The following CERS3 variants were observed in gnomAD, a reference collection of about 807,000 sequenced individuals.
CERS3 encodes the protein LAG1 homolog, ceramide synthase 3.
CERS3 carries 33 observed loss-of-function variants against 50.3 expected under a neutral mutation model. The ratio of observed to expected loss-of-function variants is 0.66; its 90% CI spans 0.50 to 0.88. CERS3 has a LOEUF of 0.88. CERS3 is among the 40% of genes least tolerant of loss of function. CERS3 has a pLI of 0.00. For synonymous variants in CERS3, 176 were observed against 155.2 expected (o/e 1.13, Z -0.99); for missense variants, 470 against 460.3 (o/e 1.02, Z -0.19).
intron 11 of CERS3, 78 bp from the exon 12 acceptor site, chr15:100,402,943 C>G (rs942798076): frequency 1.1e-5 from 15 of 1,398,560 alleles, no homozygotes; most frequent in Non-Finnish European, 1.2e-5. Flanking sequence ...CAGCCAGTTT[C>G]AAGTATGGCT....
intron 3 of CERS3, among the ~76,000 whole-genome samples, chr15:100,495,365 T>C (rs540267640): frequency 6.6e-6 from 1 of 152,188 alleles, no homozygotes; most frequent in Non-Finnish European, 1.5e-5. Flanking sequence ...AACTCCTACA[T>C]CCCTGTAAGC....
intron 10 of CERS3, among the ~76,000 whole-genome samples, chr15:100,465,455 A>G (rs889995099): frequency 6.7e-6 from 1 of 148,242 alleles, no homozygotes; most frequent in Admixed American, 6.8e-5. Context: ...GCTGGTGGGA[A>G]GACCATTTAA....
chr15:100,404,774 C>T (rs2030856785), intron 11 of CERS3, among the ~76,000 whole-genome samples: 1 of 152,172 alleles, frequency 6.6e-6, no homozygotes, highest in Non-Finnish European at 1.5e-5. Context: ...AAGGAATAAA[C>T]ATGCAGATCA....
At chr15:100,527,885 A>ATTTTT (rs1379452902) in intron 1 of CERS3, among the ~76,000 whole-genome samples, 3 of 49,894 alleles carry the variant, frequency 6.0e-5, no homozygotes, top group African/African-American at 1.4e-4. Flanking sequence ...TCTTTAAAGA[A>ATTTTT]CTTTTTATCC....
intron 2 of CERS3, among the ~76,000 whole-genome samples, chr15:100,517,729 C>T (rs1406089763): frequency 6.6e-6 from 1 of 151,996 alleles, no homozygotes; most frequent in Non-Finnish European, 1.5e-5. Context: ...GCCTACAGCC[C>T]CCGCAAGATA....
intron 2 of CERS3, among the ~76,000 whole-genome samples, chr15:100,514,012 T>A (rs2036426328): frequency 6.6e-6 from 1 of 152,124 alleles, no homozygotes; most frequent in Admixed American, 6.5e-5. Flanking sequence ...TCAATACATA[T>A]ACCACAGCGG....
intron 11 of CERS3, among the ~76,000 whole-genome samples, chr15:100,432,579 C>T (rs1322765384): frequency 6.6e-6 from 1 of 152,092 alleles, no homozygotes; most frequent in East Asian, 1.9e-4. Context: ...GAAAACAGAC[C>T]TGCTTGATTT....
At chr15:100,530,904 G>A (rs1343590882), upstream of CERS3, among the ~76,000 whole-genome samples, 2 of 152,006 alleles carry the variant, frequency 1.3e-5, no homozygotes. Context: ...CCAACATGGT[G>A]AAACCCTATC....
chr15:100,478,996 G>A (rs574908388), intron 7 of CERS3, among the ~76,000 whole-genome samples: 25 of 152,194 alleles, frequency 1.6e-4, no homozygotes, highest in Admixed American at 3.9e-4. Context: ...TAAGAACACC[G>A]ATTTGTATCA....
At chr15:100,511,000 C>A (rs764443505) in intron 2 of CERS3, among the ~76,000 whole-genome samples, 1 of 152,112 alleles carries the variant, frequency 6.6e-6, no homozygotes, top group Non-Finnish European at 1.5e-5. Context: ...CAAAAGATAC[C>A]ATTAAGGTCG....
At chr15:100,502,202 G>A (rs1039127653) in intron 2 of CERS3, among the ~76,000 whole-genome samples, 10 of 131,038 alleles carry the variant, frequency 7.6e-5, no homozygotes, top group East Asian at 2.3e-4. Context: ...CCAAGATCAC[G>A]CCACTGTACT....
chr15:100,416,977 T>A (rs1360009415), intron 11 of CERS3, among the ~76,000 whole-genome samples: 1 of 152,110 alleles, frequency 6.6e-6, no homozygotes, highest in Admixed American at 6.5e-5. Context: ...GAAAAAATAT[T>A]CAAAATCACT....
chr15:100,410,968 C>A (rs2031434705), intron 11 of CERS3, among the ~76,000 whole-genome samples: 1 of 152,156 alleles, frequency 6.6e-6, no homozygotes, highest in Non-Finnish European at 1.5e-5. Context: ...ATAACTCCCC[C>A]ACTTCTCCCC....
intron 11 of CERS3, among the ~76,000 whole-genome samples, chr15:100,403,367 C>T (rs920391921): frequency 6.6e-6 from 1 of 151,606 alleles, no homozygotes; most frequent in Non-Finnish European, 1.5e-5. Flanking sequence ...AAAGAAGAGC[C>T]AAATAAACCC....
At chr15:100,531,122 G>T (rs1290607885), upstream of CERS3, among the ~76,000 whole-genome samples, 1 of 152,152 alleles carries the variant, frequency 6.6e-6, no homozygotes, top group Middle Eastern at 3.4e-3. Flanking sequence ...AACCAATATT[G>T]TAGAACCACA....
intron 10 of CERS3, among the ~76,000 whole-genome samples, chr15:100,463,635 C>G (rs1431572927): frequency 3.3e-5 from 5 of 151,890 alleles, no homozygotes; most frequent in Admixed American, 3.3e-4. Flanking sequence ...TTCTAAGGGC[C>G]CCTGTGGAGT....
intron 11 of CERS3, among the ~76,000 whole-genome samples, chr15:100,423,501 A>C (rs1037829295): frequency 1.6e-4 from 25 of 152,186 alleles, no homozygotes; most frequent in African/African-American, 5.8e-4. Context: ...CATTATCCCA[A>C]GTAAATTAAT....
intron 9 of CERS3, among the ~76,000 whole-genome samples, chr15:100,472,382 C>T (rs1451874461): frequency 6.6e-6 from 1 of 151,986 alleles, no homozygotes; most frequent in Non-Finnish European, 1.5e-5. Context: ...ATTAGGAAGA[C>T]TCTTGTTTTA....
At chr15:100,414,177 CA>C (rs2031713938) in intron 11 of CERS3, among the ~76,000 whole-genome samples, 1 of 152,112 alleles carries the variant, frequency 6.6e-6, no homozygotes, top group Non-Finnish European at 1.5e-5. Context: ...CTGTCATTCA[CA>C]ATTGCTACAA....
Sources: allele counts gnomAD v4.1 joint callset (sites outside exome capture counted in the v4.1 genomes callset), GRCh38; gene constraint gnomAD v4.1.1; transcripts MANE v1.5; gene names NCBI Gene and HGNC (gene_info 2026-07-23, HGNC 2026-07-21).